DLGAP2: variants seen among roughly 807,000 people sequenced by gnomAD.
The protein encoded by DLGAP2 is DLG associated protein 2.
DLGAP2 carries 26 observed loss-of-function variants against 100.3 expected under a neutral mutation model. The observed-to-expected ratio is 0.26, with a 90% confidence interval of 0.19 to 0.36. The LOEUF (loss-of-function observed/expected upper bound fraction) is 0.36. Among genes scored for constraint, DLGAP2 ranks in the 10% least tolerant of loss-of-function variants. DLGAP2 has a pLI of 1.00. For missense variants in DLGAP2, 1,858 were observed against 1,453.2 expected (o/e 1.28, Z -4.53); for synonymous variants, 886 against 630.1 (o/e 1.41, Z -6.08).
At chr8:1,671,216 C>T (rs1798682478) in intron 10 of DLGAP2, among the ~76,000 whole-genome samples, 1 of 152,194 alleles carries the variant, frequency 6.6e-6, no homozygotes, top group Admixed American at 6.5e-5. Context: ...AGGAGAAAAT[C>T]CCAGAATGAT....
intron 3 of DLGAP2, among the ~76,000 whole-genome samples, chr8:1,328,753 C>A (rs1233264032): frequency 6.6e-6 from 1 of 152,114 alleles, no homozygotes; most frequent in Non-Finnish European, 1.5e-5. Flanking sequence ...ACTAAGCTTC[C>A]CATAATAACG....
At chr8:1,141,857 GCTTT>G (rs1192135793) in intron 2 of DLGAP2, among the ~76,000 whole-genome samples, 1 of 152,022 alleles carries the variant, frequency 6.6e-6, no homozygotes. Context: ...GATTTTAGAT[GCTTT>G]CTTTGTTTCT....
chr8:1,661,269 G>C (rs1009699122), intron 8 of DLGAP2, among the ~76,000 whole-genome samples: 1 of 152,176 alleles, frequency 6.6e-6, no homozygotes. Context: ...ATGGTGGTGG[G>C]GGCTGCAGAC....
At chr8:1,256,105 G>A (rs111931779) in intron 2 of DLGAP2, among the ~76,000 whole-genome samples, 605 of 132,868 alleles carry the variant, frequency 4.6e-3, no homozygotes, top group African/African-American at 0.017. Flanking sequence ...GGCGCTGTGT[G>A]TGTGTCCTCT....
At chr8:1,128,819 A>G (rs1454637468) in intron 2 of DLGAP2, among the ~76,000 whole-genome samples, 1 of 152,236 alleles carries the variant, frequency 6.6e-6, no homozygotes, top group African/African-American at 2.4e-5. Context: ...TTAAAAGCTC[A>G]TTGTAAAGTG....
chr8:1,369,027 G>C (rs534825692), intron 3 of DLGAP2: 3 of 152,214 alleles, frequency 2.0e-5, no homozygotes, highest in Admixed American at 6.5e-5. Flanking sequence ...GTGGGACACA[G>C]GTAGACACTG....
intron 2 of DLGAP2, among the ~76,000 whole-genome samples, chr8:1,216,076 G>T (rs1417288335): frequency 1.3e-5 from 2 of 152,180 alleles, no homozygotes; most frequent in Non-Finnish European, 2.9e-5. Context: ...CTCCAAGTTT[G>T]AATTACTTCT....
At chr8:1,700,713 C>A (rs1007186918) in intron 14 of DLGAP2, among the ~76,000 whole-genome samples, 5 of 152,164 alleles carry the variant, frequency 3.3e-5, no homozygotes, top group African/African-American at 1.2e-4. Context: ...TCCCCGCACA[C>A]CCATTCACGT....
intron 2 of DLGAP2, among the ~76,000 whole-genome samples, chr8:1,191,925 A>C (rs933179574): frequency 5.9e-5 from 9 of 152,186 alleles, no homozygotes; most frequent in Admixed American, 1.3e-4. Flanking sequence ...CTGATCCCTC[A>C]ACTACGGCCA....
intron 2 of DLGAP2, among the ~76,000 whole-genome samples, chr8:1,199,328 C>G (rs1027700941): frequency 1.3e-5 from 2 of 152,222 alleles, no homozygotes; most frequent in African/African-American, 4.8e-5. Context: ...CCCTGGTGAT[C>G]TCTTTTGGCT....
At chr8:1,188,940 C>T (rs1195206047) in intron 2 of DLGAP2, among the ~76,000 whole-genome samples, 3 of 151,996 alleles carry the variant, frequency 2.0e-5, no homozygotes, top group Non-Finnish European at 2.9e-5. Flanking sequence ...GCTTCCAGGC[C>T]GGTTCCGCGG....
intron 2 of DLGAP2, among the ~76,000 whole-genome samples, chr8:956,640 C>T (rs1259369464): frequency 1.3e-5 from 2 of 152,250 alleles, no homozygotes; most frequent in South Asian, 2.1e-4. Flanking sequence ...CGTTTTCCTA[C>T]ACCCACATTC....
chr8:1,004,107 T>G (rs952111298), intron 2 of DLGAP2, among the ~76,000 whole-genome samples: 1 of 152,214 alleles, frequency 6.6e-6, no homozygotes, highest in African/African-American at 2.4e-5. Context: ...TTTTATAGTA[T>G]TAAAACAAAA....
chr8:1,633,306 T>A (rs1343006471), intron 8 of DLGAP2, among the ~76,000 whole-genome samples: 1 of 129,334 alleles, frequency 7.7e-6, no homozygotes, highest in Non-Finnish European at 1.5e-5. Flanking sequence ...GTGTAAAGTT[T>A]TAGAGAGGAG....
At chr8:984,152 A>G (rs1400834933) in intron 2 of DLGAP2, among the ~76,000 whole-genome samples, 3 of 152,156 alleles carry the variant, frequency 2.0e-5, no homozygotes, top group African/African-American at 7.2e-5. Context: ...TTTAAAAATC[A>G]TATGGAAAGA....
chr8:1,646,909 C>T lies in DLGAP2; in HGVS notation c.1810+13863C>T, dbSNP rs537547314. 2.0e-5 allele frequency among the ~76,000 whole-genome samples: 3 copies of T among 152,280 alleles called. No individual in the cohort carries two copies. The South Asian group carries it at 6.2e-4, about 32-fold the overall frequency. Reference sequence around the variant, plus strand: ...CCCTTCTTCTAATCAGCGTCTGTCACCACAGAGAAGTGATGGAAAGGCCAG... The same window carrying T: ...CCCTTCTTCTAATCAGCGTCTGTCATCACAGAGAAGTGATGGAAAGGCCAG... On this transcript the variant is annotated intron_variant, in intron 8 of 14. Transcript: ENST00000637795.
intron 2 of DLGAP2, among the ~76,000 whole-genome samples, chr8:1,023,135 A>C (rs1454737695): frequency 6.6e-6 from 1 of 152,196 alleles, no homozygotes; most frequent in African/African-American, 2.4e-5. Context: ...CCGATTTTCA[A>C]ATTTTCAAAG....
At chr8:824,877 C>T (rs933866600) in intron 1 of DLGAP2, among the ~76,000 whole-genome samples, 2 of 152,164 alleles carry the variant, frequency 1.3e-5, no homozygotes, top group Non-Finnish European at 2.9e-5. Flanking sequence ...GAGCACCCCG[C>T]ATTGTCCCCT....
At chr8:1,687,202 A>G (rs531272102) in intron 12 of DLGAP2, among the ~76,000 whole-genome samples, 3 of 152,340 alleles carry the variant, frequency 2.0e-5, no homozygotes, top group Admixed American at 1.3e-4. Context: ...ATAAAAATCC[A>G]TCTCAAATAT....
Sources: gnomAD v4.1 joint callset for allele counts (sites outside exome capture counted in the v4.1 genomes callset) on GRCh38, gnomAD v4.1.1 for gene constraint, MANE v1.5 for transcripts, NCBI Gene and HGNC (gene_info 2026-07-23, HGNC 2026-07-21) for gene names.